Variants in CDK19 observed in about 807,000 individuals in gnomAD.
CDK19 encodes cyclin dependent kinase 19.
A neutral mutation model predicts 68.3 loss-of-function variants in CDK19; 20 were observed. The ratio of observed to expected loss-of-function variants is 0.29; its 90% CI spans 0.21 to 0.43. CDK19 has a LOEUF of 0.43. Ranked by LOEUF, CDK19 falls within the 20% of genes least tolerant of loss-of-function variation. The probability of loss-of-function intolerance (pLI) is 1.00; values close to 1 mark genes in which losing one functional copy is unlikely to be tolerated. For synonymous variants in CDK19, 221 were observed against 222.8 expected, an observed-to-expected ratio of 0.99 and a Z score of 0.07; for missense variants, 339 against 623.5, an observed-to-expected ratio of 0.54 and a Z score of 4.86.
chr6:110,715,872 T>C (rs773541487), intron 2 of CDK19, among the ~76,000 whole-genome samples: 5 of 152,206 alleles, frequency 3.3e-5, no homozygotes, highest in Admixed American at 6.5e-5. Context: ...AACATTTTTA[T>C]ATGATTTAAG....
intron 2 of CDK19, among the ~76,000 whole-genome samples, chr6:110,740,658 C>T (rs544429243): frequency 6.6e-6 from 1 of 152,222 alleles, no homozygotes; most frequent in Non-Finnish European, 1.5e-5. Flanking sequence ...ATTCTGCAAT[C>T]ATAGTCCCAA....
At chr6:110,678,172 C>A (rs1208325826) in intron 2 of CDK19, among the ~76,000 whole-genome samples, 5 of 151,918 alleles carry the variant, frequency 3.3e-5, no homozygotes, top group Admixed American at 1.3e-4. Flanking sequence ...AAATTTATTT[C>A]TATATTCCTA....
chr6:110,721,921 G>A (rs1473841854), intron 2 of CDK19, among the ~76,000 whole-genome samples: 1 of 152,024 alleles, frequency 6.6e-6, no homozygotes, highest in South Asian at 2.1e-4. Flanking sequence ...CCGAGATCAC[G>A]CCATTGCGCT....
At chr6:110,675,334 A>G (rs1771411009) in intron 2 of CDK19, among the ~76,000 whole-genome samples, 1 of 152,168 alleles carries the variant, frequency 6.6e-6, no homozygotes, top group Non-Finnish European at 1.5e-5. Flanking sequence ...ACCCTTAAGA[A>G]TTATGCTAAA....
intron 3 of CDK19, among the ~76,000 whole-genome samples, chr6:110,669,791 A>G (rs1770843101): frequency 6.6e-6 from 1 of 152,246 alleles, no homozygotes; most frequent in Non-Finnish European, 1.5e-5. Flanking sequence ...CTTCTTTCAT[A>G]CGTTGATAAA....
At chr6:110,740,781 T>C (rs543812808) in intron 2 of CDK19, among the ~76,000 whole-genome samples, 1 of 152,244 alleles carries the variant, frequency 6.6e-6, no homozygotes, top group African/African-American at 2.4e-5. Context: ...AATATAATGG[T>C]ATGTAGAAGG....
rs1442399909 is a variant in CDK19 at position 110,750,376 on chromosome 6, C to G, written c.129-4175G>C. On this transcript the variant is annotated intron_variant, in intron 1 of 12. Coordinates refer to ENST00000368911, the MANE Select transcript of CDK19 (RefSeq NM_015076.5). Reference sequence around the variant, plus strand: ...AGAGGCAGAGCTAAGACCAGCTCTTCCAATTCTTCATGACAGAGGGGTAAT... The same window carrying G: ...AGAGGCAGAGCTAAGACCAGCTCTTGCAATTCTTCATGACAGAGGGGTAAT... 2.0e-5 allele frequency among the ~76,000 whole-genome samples: 3 copies of G among 151,922 alleles called. 1 individual carries two copies. The highest frequency in any genetic ancestry group is 7.3e-5 in the African/African-American group (3 of 41,342).
intron 1 of CDK19, among the ~76,000 whole-genome samples, chr6:110,758,185 T>C (rs1283954183): frequency 1.3e-5 from 2 of 151,960 alleles, no homozygotes; most frequent in Non-Finnish European, 2.9e-5. Context: ...AGCAAGACCC[T>C]GTCCCCCACC....
chr6:110,765,098 T>G (rs1779485383), intron 1 of CDK19, among the ~76,000 whole-genome samples: 3 of 151,768 alleles, frequency 2.0e-5, no homozygotes, highest in Admixed American at 6.6e-5. Context: ...AATGAAAAAC[T>G]TAGGCTCTGT....
chr6:110,711,899 G>T (rs1310154611), intron 2 of CDK19, among the ~76,000 whole-genome samples: 1 of 152,232 alleles, frequency 6.6e-6, no homozygotes, highest in Non-Finnish European at 1.5e-5. Flanking sequence ...ACCCAGGCTG[G>T]GGGGCGGAGG....
chr6:110,804,287 A>T (rs1782526034), intron 1 of CDK19, among the ~76,000 whole-genome samples: 1 of 152,192 alleles, frequency 6.6e-6, no homozygotes, highest in Non-Finnish European at 1.5e-5. Context: ...AAGCCTCTAT[A>T]AGAAGAGTGT....
chr6:110,793,462 GAAAGTCAACA>G (rs1781731817), intron 1 of CDK19, among the ~76,000 whole-genome samples: 2 of 152,166 alleles, frequency 1.3e-5, no homozygotes, highest in Admixed American at 1.3e-4. Flanking sequence ...ACATGGACAT[GAAAGTCAACA>G]AAATGTGTTT....
At chr6:110,670,803 A>G (rs1186413959) in intron 2 of CDK19, 1 of 561,500 alleles carries the variant, frequency 1.8e-6, no homozygotes, top group African/African-American at 1.9e-5. Context: ...CAGAGACTGC[A>G]AGCAGGAATG....
At chr6:110,703,527 ACT>A (rs1444788439) in intron 2 of CDK19, among the ~76,000 whole-genome samples, 2 of 152,164 alleles carry the variant, frequency 1.3e-5, no homozygotes, top group African/African-American at 4.8e-5. Context: ...TACAACATAC[ACT>A]GATTTGAATG....
At chr6:110,632,641 G>T (rs1380774816) in intron 5 of CDK19, among the ~76,000 whole-genome samples, 1 of 152,060 alleles carries the variant, frequency 6.6e-6, no homozygotes, top group East Asian at 1.9e-4. Context: ...TGAGGCAGGA[G>T]AATCGCTTGA....
At chr6:110,619,931 A>G (rs1427903890) in intron 12 of CDK19, among the ~76,000 whole-genome samples, 2 of 152,270 alleles carry the variant, frequency 1.3e-5, no homozygotes, top group Non-Finnish European at 1.5e-5. Flanking sequence ...ACAGGTTAAT[A>G]TAATTCAATC....
At chr6:110,658,668 G>T (rs976843850) in intron 4 of CDK19, among the ~76,000 whole-genome samples, 4 of 152,060 alleles carry the variant, frequency 2.6e-5, no homozygotes, top group Admixed American at 6.6e-5. Flanking sequence ...AAAAATATTT[G>T]TAATATTTAA....
intron 1 of CDK19, among the ~76,000 whole-genome samples, chr6:110,757,525 A>C (rs1301179241): frequency 1.3e-5 from 2 of 152,212 alleles, no homozygotes; most frequent in Non-Finnish European, 2.9e-5. Flanking sequence ...TTAATTATGA[A>C]CCAGAATTTA....
intron 2 of CDK19, among the ~76,000 whole-genome samples, chr6:110,708,280 G>C (rs1246102518): frequency 6.6e-6 from 1 of 152,118 alleles, no homozygotes. Context: ...GATCACTGTT[G>C]AATCTTGGGG....
Sources: allele counts gnomAD v4.1 joint callset (sites outside exome capture counted in the v4.1 genomes callset), GRCh38; gene constraint gnomAD v4.1.1; transcripts MANE v1.5; gene names NCBI Gene and HGNC (gene_info 2026-07-23, HGNC 2026-07-21).